The following KMO variants were observed in gnomAD, a reference collection of about 807,000 sequenced individuals.
KMO encodes the protein kynurenine 3-hydroxylase.
KMO carries 24 observed loss-of-function variants against 57.8 expected under a neutral mutation model. The observed-to-expected ratio is 0.42, with a 90% confidence interval of 0.30 to 0.58. KMO has a LOEUF of 0.58. Among genes scored for constraint, KMO ranks in the 20% least tolerant of loss-of-function variants. The probability of loss-of-function intolerance (pLI) is 0.22; values close to 1 mark genes in which losing one functional copy is unlikely to be tolerated. For missense variants in KMO, 483 were observed against 588.2 expected, an observed-to-expected ratio of 0.82 and a Z score of 1.85; for synonymous variants, 210 against 193.6, an observed-to-expected ratio of 1.08 and a Z score of -0.70.
At chr1:241,583,308 G>T (rs1015720744) in intron 10 of KMO, among the ~76,000 whole-genome samples, 1 of 152,158 alleles carries the variant, frequency 6.6e-6, no homozygotes, top group Non-Finnish European at 1.5e-5. Context: ...TACCACTGAT[G>T]TTTATTCAAG....
chr1:241,592,216 AT>A lies in KMO; in HGVS notation c.*64del, dbSNP rs143192593. ...GTGACCAAAATTAAGCATGAAAAAA[AT>A]GTTTCCATTGCCATATTTGATTCAC... On this transcript the variant is annotated 3_prime_UTR_variant, in exon 15 of 15. Coordinates refer to ENST00000366559, the MANE Select transcript of KMO (RefSeq NM_003679.5). 942 of 1,263,944 alleles carry A rather than the reference AT, an allele frequency of 7.5e-4. 5 individuals carry two copies. In the African/African-American group the frequency reaches 0.013, roughly 17 times the overall value. 78.3% of individuals were successfully genotyped at this position (1,263,944 alleles called of 1,614,324 possible). A position where few individuals can be genotyped will look rare whatever the true frequency, so the allele number is the denominator to read the frequency against.
intron 5 of KMO, among the ~76,000 whole-genome samples, chr1:241,559,091 ACT>A (rs1661741904): frequency 6.6e-6 from 1 of 151,342 alleles, no homozygotes; most frequent in Non-Finnish European, 1.5e-5. Flanking sequence ...CAAGAGTGAA[ACT>A]CTGTCTCAAA....
At chr1:241,539,993 T>A (rs1660903020) in intron 1 of KMO, among the ~76,000 whole-genome samples, 1 of 152,220 alleles carries the variant, frequency 6.6e-6, no homozygotes, top group African/African-American at 2.4e-5. Flanking sequence ...AATGCAAGTA[T>A]TAAATGCTTT....
At chr1:241,575,079 A>C (rs112085907) in intron 10 of KMO, among the ~76,000 whole-genome samples, 1 of 151,906 alleles carries the variant, frequency 6.6e-6, no homozygotes, top group Non-Finnish European at 1.5e-5. Context: ...TAGTCTCAAA[A>C]GATCTTTTGT....
chr1:241,552,741 G>A (rs1462478220), intron 4 of KMO, among the ~76,000 whole-genome samples: 1 of 152,150 alleles, frequency 6.6e-6, no homozygotes, highest in African/African-American at 2.4e-5. Flanking sequence ...TCTCTAATCT[G>A]CAAATTTTGA....
At chr1:241,541,513 C>T (rs190351300) in intron 1 of KMO, among the ~76,000 whole-genome samples, 7 of 152,120 alleles carry the variant, frequency 4.6e-5, no homozygotes, top group African/African-American at 9.6e-5. Flanking sequence ...GAGTTCAGGA[C>T]GAAGATCAAG....
intron 9 of KMO, among the ~76,000 whole-genome samples, chr1:241,566,962 C>T (rs996905793): frequency 6.6e-6 from 1 of 152,128 alleles, no homozygotes; most frequent in East Asian, 1.9e-4. Flanking sequence ...CAGATACATC[C>T]GGCAGCCTCA....
At chr1:241,542,874 T>G (rs1287564238) in intron 1 of KMO, among the ~76,000 whole-genome samples, 1 of 152,178 alleles carries the variant, frequency 6.6e-6, no homozygotes, top group Non-Finnish European at 1.5e-5. Context: ...TATTCCCAAT[T>G]AAGCACTTTT....
At chr1:241,561,999 G>A (rs1021199891) in intron 6 of KMO, 168 bp from the exon 7 acceptor site, 2 of 604,284 alleles carry the variant, frequency 3.3e-6, no homozygotes, top group South Asian at 2.0e-5. Flanking sequence ...ACTGGGACAA[G>A]TGTTTTCATC....
In KMO at chr1:241,568,404, A is replaced by G. The variant is rs576275499; in HGVS notation, c.810-96A>G. 21 of 1,261,438 alleles carry G rather than the reference A, an allele frequency of 1.7e-5. No individual in the cohort carries two copies. In the South Asian group the frequency reaches 2.8e-4, roughly 17 times the overall value. 78.1% of individuals were successfully genotyped at this position (1,261,438 alleles called of 1,614,324 possible). On this transcript the variant is annotated intron_variant, in intron 9 of 14. Coordinates refer to ENST00000366559, the MANE Select transcript of KMO (RefSeq NM_003679.5). ...TTCTTGGCATTCTTGTTTTTCAACA[A>G]AACTTCGTGATAGTTAATTTAGTAA... is the stretch of plus-strand genomic sequence containing the variant.
At chr1:241,584,391 A>G (rs1662882200) in intron 10 of KMO, among the ~76,000 whole-genome samples, 1 of 152,228 alleles carries the variant, frequency 6.6e-6, no homozygotes, top group Admixed American at 6.5e-5. Context: ...ACACTTTCAC[A>G]CTGTTGGTGG....
At chr1:241,576,663 T>G (rs1662530773) in intron 10 of KMO, among the ~76,000 whole-genome samples, 1 of 152,152 alleles carries the variant, frequency 6.6e-6, no homozygotes, top group South Asian at 2.1e-4. Context: ...GATGCTTTTG[T>G]CTCACTGCTC....
Position 241,566,628 on chromosome 1 carries a change from T to G in KMO, c.809+16T>G. The G allele has an allele frequency of 6.2e-7, 1 of 1,613,128 alleles. No homozygotes were observed. Among genetic ancestry groups the G allele is most frequent in the Non-Finnish European group, 8.5e-7 (1 of 1,179,282 alleles). Reference sequence around the variant, plus strand: ...TAATTGGAGAGTAAGTTGCAAGATGTGCCTTTTGCTCCATTTGTTTTAATT... The same window carrying G: ...TAATTGGAGAGTAAGTTGCAAGATGGGCCTTTTGCTCCATTTGTTTTAATT... On this transcript the variant is annotated intron_variant, in intron 9 of 14. Coordinates refer to ENST00000366559, the MANE Select transcript of KMO (RefSeq NM_003679.5).
intron 1 of KMO, among the ~76,000 whole-genome samples, chr1:241,541,200 G>A (rs1660946074): frequency 6.6e-6 from 1 of 152,162 alleles, no homozygotes; most frequent in African/African-American, 2.4e-5. Context: ...GGACAGAGCT[G>A]TGGGTAGCAG....
intron 4 of KMO, among the ~76,000 whole-genome samples, chr1:241,552,175 T>TGAGAGA (rs35145528): frequency 4.5e-4 from 50 of 111,082 alleles, no homozygotes; most frequent in Admixed American, 9.4e-4. Flanking sequence ...TGAGTGTGTG[T>TGAGAGA]GAGAGAGAGA....
At chr1:241,537,322 TC>T (rs1660786754) in intron 1 of KMO, among the ~76,000 whole-genome samples, 1 of 152,200 alleles carries the variant, frequency 6.6e-6, no homozygotes, top group South Asian at 2.1e-4. Flanking sequence ...GAAGTAAACG[TC>T]CTCAGTGCAT....
At chr1:241,532,856 C>T (rs1160847753) in intron 1 of KMO, among the ~76,000 whole-genome samples, 1 of 152,156 alleles carries the variant, frequency 6.6e-6, no homozygotes, top group African/African-American at 2.4e-5. Flanking sequence ...TCTCAATATT[C>T]ATTTTAATAA....
At chr1:241,559,771 CTG>C (rs1184773472) in intron 5 of KMO, among the ~76,000 whole-genome samples, 1 of 152,114 alleles carries the variant, frequency 6.6e-6, no homozygotes, top group Admixed American at 6.5e-5. Context: ...CATATAAAAA[CTG>C]TACATAATTA....
chr1:241,556,043 G>A (rs897445779), intron 5 of KMO, among the ~76,000 whole-genome samples: 2 of 152,144 alleles, frequency 1.3e-5, no homozygotes, highest in African/African-American at 4.8e-5. Context: ...TATGAGTGAT[G>A]TGATTGTGCC....
Sources: allele counts gnomAD v4.1 joint callset (sites outside exome capture counted in the v4.1 genomes callset), GRCh38; gene constraint gnomAD v4.1.1; transcripts MANE v1.5; gene names NCBI Gene and HGNC (gene_info 2026-07-23, HGNC 2026-07-21).